WDFY3: variants seen among roughly 807,000 people sequenced by gnomAD.
The protein encoded by WDFY3 is WD repeat and FYVE domain-containing protein 3.
In WDFY3, 66 loss-of-function variants were observed where a neutral mutation model predicts 409.6. The ratio of observed to expected loss-of-function variants is 0.16; its 90% CI spans 0.13 to 0.20. WDFY3 has a LOEUF of 0.20. WDFY3 is among the 10% of genes least tolerant of loss of function. WDFY3 has a pLI of 1.00. For synonymous variants in WDFY3, 1,521 were observed against 1,537.1 expected (o/e 0.99, Z 0.25); for missense variants, 3,031 against 4,298.1 (o/e 0.71, Z 8.24).
Position 84,709,749 on chromosome 4 carries a change from C to T in WDFY3, c.8043-402G>A, listed in dbSNP as rs368193917. ...TGTTTTGTTTTGTTCTGTTTTGAGA[C>T]GGAGTCTCGATCTGTCACCCAGGCT... On this transcript the variant is annotated intron_variant, in intron 51 of 67. Transcript: ENST00000295888. Among the ~76,000 whole-genome samples, 12 of 152,286 alleles carry T rather than the reference C, an allele frequency of 7.9e-5. No individual in the cohort carries two copies. The East Asian group carries it at 1.7e-3, about 22-fold the overall frequency.
chr4:84,920,848 T>A (rs946951362), intron 2 of WDFY3, among the ~76,000 whole-genome samples: 1 of 152,100 alleles, frequency 6.6e-6, no homozygotes, highest in African/African-American at 2.4e-5. Flanking sequence ...TTTTTTTTCC[T>A]CCAATCATAC....
At chr4:84,857,594 T>C (rs1473945231) in intron 4 of WDFY3, among the ~76,000 whole-genome samples, 1 of 152,144 alleles carries the variant, frequency 6.6e-6, no homozygotes, top group African/African-American at 2.4e-5. Context: ...ACAAAAATTA[T>C]TAACTTCCTG....
chr4:84,933,029 A>C (rs1378216182), intron 1 of WDFY3, among the ~76,000 whole-genome samples: 1 of 152,188 alleles, frequency 6.6e-6, no homozygotes. Flanking sequence ...TCTATAGTGT[A>C]GTCAAACACA....
chr4:84,791,643 C>T (rs757712393), intron 21 of WDFY3, among the ~76,000 whole-genome samples: 11 of 152,066 alleles, frequency 7.2e-5, no homozygotes, highest in Admixed American at 3.3e-4. Context: ...CTATGCTCAA[C>T]GACACAAGAG....
At chr4:84,810,970 C>T (rs1369556495) in intron 13 of WDFY3, among the ~76,000 whole-genome samples, 1 of 152,068 alleles carries the variant, frequency 6.6e-6, no homozygotes, top group African/African-American at 2.4e-5. Context: ...ACTTTCTGAA[C>T]TGTCATAATT....
At chr4:84,695,810 G>GA (rs745718250) in intron 58 of WDFY3, among the ~76,000 whole-genome samples, 160 bp downstream of exon 58, 12 of 151,920 alleles carry the variant, frequency 7.9e-5, no homozygotes, top group Non-Finnish European at 1.8e-4. Context: ...GTGAGAGTGA[G>GA]AAAAAAGCAA....
At position 84,810,171 on chromosome 4, in the gene WDFY3, A is replaced by C; in HGVS notation, c.2061T>G (p.Thr687=). Residue 687 remains threonine, a synonymous_variant, in exon 14 of 68, where the codon ACT becomes ACG. Transcript: ENST00000295888. Reference sequence around the variant, plus strand: ...TTGCTGCAGTCAACGTGCAGAACACAGTGTGAAGAAGTTCAAACACTTGAT... The same window carrying C: ...TTGCTGCAGTCAACGTGCAGAACACCGTGTGAAGAAGTTCAAACACTTGAT... ...NQNQVFELLH[T]VFCTLTAAMR... 6.2e-7 allele frequency: 1 copy of C among 1,614,170 alleles called. No individual in the cohort carries two copies. The highest frequency in any genetic ancestry group is 2.2e-5 in the East Asian group (1 of 44,884).
intron 1 of WDFY3, among the ~76,000 whole-genome samples, chr4:84,934,507 C>G (rs1771166680): frequency 6.6e-6 from 1 of 152,230 alleles, no homozygotes; most frequent in Admixed American, 6.5e-5. Context: ...CAGATACATA[C>G]AAGCTTAATG....
chr4:84,718,322 T>A, intron 48 of WDFY3, 100 bp downstream of exon 48: 1 of 1,294,490 alleles, frequency 7.7e-7, no homozygotes, highest in South Asian at 1.7e-5. Flanking sequence ...GAGATAACAT[T>A]ACCTAGAACA....
intron 2 of WDFY3, among the ~76,000 whole-genome samples, chr4:84,901,443 G>GA (rs1451298421): frequency 1.1e-4 from 16 of 152,288 alleles, no homozygotes; most frequent in African/African-American, 3.6e-4. Flanking sequence ...GGACTCTGTA[G>GA]AGAGTCCCTT....
At chr4:84,930,175 A>G (rs530251904) in intron 2 of WDFY3, among the ~76,000 whole-genome samples, 2 of 152,308 alleles carry the variant, frequency 1.3e-5, no homozygotes, top group African/African-American at 4.8e-5. Context: ...GTGGCAATAG[A>G]TAACACACAT....
At chr4:84,870,217 A>G (rs1313849885) in intron 3 of WDFY3, among the ~76,000 whole-genome samples, 1 of 152,196 alleles carries the variant, frequency 6.6e-6, no homozygotes, top group Non-Finnish European at 1.5e-5. Context: ...AAACAAAATA[A>G]GGGATTTAGC....
intron 1 of WDFY3, among the ~76,000 whole-genome samples, chr4:84,943,107 A>G (rs1772352490): frequency 6.6e-6 from 1 of 152,148 alleles, no homozygotes; most frequent in African/African-American, 2.4e-5. Flanking sequence ...GAGGATGAAC[A>G]CCTTTATGAT....
intron 1 of WDFY3, among the ~76,000 whole-genome samples, chr4:84,954,874 T>C (rs1285723660): frequency 1.3e-5 from 2 of 152,208 alleles, no homozygotes; most frequent in African/African-American, 4.8e-5. Flanking sequence ...TTTGGCTAAC[T>C]GCTCAATATT....
chr4:84,942,832 T>C (rs1772316133), intron 1 of WDFY3, among the ~76,000 whole-genome samples: 1 of 152,258 alleles, frequency 6.6e-6, no homozygotes. Context: ...AGTATGTATA[T>C]GTTTTGCAAG....
chr4:84,762,532 G>A (rs1742834816), intron 32 of WDFY3, among the ~76,000 whole-genome samples: 2 of 151,458 alleles, frequency 1.3e-5, no homozygotes, highest in Non-Finnish European at 2.9e-5. Flanking sequence ...ATTAGTGGGT[G>A]CAGCACACCA....
intron 53 of WDFY3, among the ~76,000 whole-genome samples, chr4:84,708,058 T>C (rs762364823): frequency 6.6e-6 from 1 of 152,232 alleles, no homozygotes; most frequent in Non-Finnish European, 1.5e-5. Context: ...TAGGGCTAAG[T>C]GTCTTTTGTT....
chr4:84,870,035 A>C (rs918734228), intron 3 of WDFY3, among the ~76,000 whole-genome samples: 8 of 152,252 alleles, frequency 5.3e-5, no homozygotes, highest in African/African-American at 1.7e-4. Context: ...CAGATCACAA[A>C]GATGTCATAC....
intron 4 of WDFY3, among the ~76,000 whole-genome samples, chr4:84,858,666 T>G (rs1760105156): frequency 6.7e-6 from 1 of 148,692 alleles, no homozygotes. Flanking sequence ...AATTTCAAAA[T>G]AATGAGAAGA....
Sources: gnomAD v4.1 joint callset for allele counts (sites outside exome capture counted in the v4.1 genomes callset) on GRCh38, gnomAD v4.1.1 for gene constraint, MANE v1.5 for transcripts, NCBI Gene and HGNC (gene_info 2026-07-23, HGNC 2026-07-21) for gene names.